The following GALNTL6 variants were observed in gnomAD, a reference collection of about 807,000 sequenced individuals.
GALNTL6 encodes the protein polypeptide N-acetylgalactosaminyltransferase-like 6.
A neutral mutation model predicts 73.7 loss-of-function variants in GALNTL6; 46 were observed. The ratio of observed to expected loss-of-function variants is 0.62; its 90% CI spans 0.49 to 0.80. GALNTL6 has a LOEUF of 0.80. GALNTL6 is among the 30% of genes least tolerant of loss of function. The probability of loss-of-function intolerance (pLI) is 0.00; values close to 1 mark genes in which losing one functional copy is unlikely to be tolerated. For missense variants in GALNTL6, 604 were observed against 755.0 expected (o/e 0.80, Z 2.34); for synonymous variants, 259 against 263.7 (o/e 0.98, Z 0.17).
intron 5 of GALNTL6, among the ~76,000 whole-genome samples, chr4:172,759,551 C>T (rs1403336681): frequency 6.6e-6 from 1 of 152,170 alleles, no homozygotes; most frequent in South Asian, 2.1e-4. Flanking sequence ...TCAACAATTT[C>T]ATCCACCCTT....
intron 2 of GALNTL6, among the ~76,000 whole-genome samples, chr4:172,123,500 A>ATTTT (rs67067629): frequency 0.34 from 38,891 of 114,972 alleles, 7,080 homozygotes; most frequent in Non-Finnish European, 0.37. Flanking sequence ...AAAAGTCATA[A>ATTTT]TTTTTTTTTT....
chr4:172,216,228 T>G (rs1736493789), intron 2 of GALNTL6, among the ~76,000 whole-genome samples: 1 of 152,162 alleles, frequency 6.6e-6, no homozygotes, highest in African/African-American at 2.4e-5. Flanking sequence ...GAAGCTCTCC[T>G]GGAGATAAAT....
chr4:172,313,267 A>G (rs1740428717), intron 4 of GALNTL6, among the ~76,000 whole-genome samples: 2 of 151,804 alleles, frequency 1.3e-5, no homozygotes, highest in African/African-American at 2.4e-5. Context: ...CTGGGACTAC[A>G]GGCGCCTGCC....
intron 8 of GALNTL6, among the ~76,000 whole-genome samples, chr4:172,887,637 C>T (rs1397857825): frequency 6.6e-6 from 1 of 151,904 alleles, no homozygotes; most frequent in Non-Finnish European, 1.5e-5. Context: ...AATCTCAGCT[C>T]ACTGCAATCT....
At chr4:172,664,422 T>C (rs917809762) in intron 5 of GALNTL6, among the ~76,000 whole-genome samples, 1 of 152,222 alleles carries the variant, frequency 6.6e-6, no homozygotes, top group Non-Finnish European at 1.5e-5. Flanking sequence ...AATACCTACA[T>C]TTCTTTTCCA....
At chr4:171,824,389 A>G (rs1734771713) in intron 2 of GALNTL6, among the ~76,000 whole-genome samples, 1 of 152,044 alleles carries the variant, frequency 6.6e-6, no homozygotes, top group Non-Finnish European at 1.5e-5. Context: ...AAGACCTTGG[A>G]CAAATTACTT....
At chr4:172,759,348 A>G (rs1262846750) in intron 5 of GALNTL6, among the ~76,000 whole-genome samples, 1 of 152,224 alleles carries the variant, frequency 6.6e-6, no homozygotes, top group Non-Finnish European at 1.5e-5. Flanking sequence ...TATTCTGGCC[A>G]GTGAGATGGA....
At chr4:171,917,573 C>T (rs1737666766) in intron 2 of GALNTL6, among the ~76,000 whole-genome samples, 1 of 152,032 alleles carries the variant, frequency 6.6e-6, no homozygotes, top group Admixed American at 6.6e-5. Context: ...TATTTCTCTT[C>T]CAAAATATTA....
intron 5 of GALNTL6, among the ~76,000 whole-genome samples, chr4:172,805,815 C>T (rs1240344292): frequency 6.6e-6 from 1 of 152,048 alleles, no homozygotes; most frequent in Non-Finnish European, 1.5e-5. Context: ...TTTTGTCTGA[C>T]ATTTGCTTCA....
intron 5 of GALNTL6, among the ~76,000 whole-genome samples, chr4:172,551,733 T>A: frequency 6.6e-6 from 1 of 152,140 alleles, no homozygotes; most frequent in Non-Finnish European, 1.5e-5. Context: ...AACTAGCTTC[T>A]GCTAAGCTCA....
At chr4:172,341,881 G>T (rs1561035510) in intron 4 of GALNTL6, among the ~76,000 whole-genome samples, 3 of 151,966 alleles carry the variant, frequency 2.0e-5, no homozygotes, top group Non-Finnish European at 4.4e-5. Flanking sequence ...CAAGTAGAAA[G>T]GTAAATATGG....
chr4:172,882,493 A>T (rs1250818086), intron 7 of GALNTL6, among the ~76,000 whole-genome samples: 1 of 152,214 alleles, frequency 6.6e-6, no homozygotes, highest in Non-Finnish European at 1.5e-5. Context: ...CTCATGTAGT[A>T]ATATTTCTCA....
intron 2 of GALNTL6, among the ~76,000 whole-genome samples, chr4:172,189,116 T>C (rs1735497513): frequency 6.7e-6 from 1 of 150,374 alleles, no homozygotes; most frequent in African/African-American, 2.5e-5. Context: ...TTATCCATTT[T>C]GGGAAAAAAA....
At chr4:172,356,780 C>A (rs548050984) in intron 5 of GALNTL6, among the ~76,000 whole-genome samples, 1 of 152,266 alleles carries the variant, frequency 6.6e-6, no homozygotes, top group South Asian at 2.1e-4. Flanking sequence ...TCCTAAGTCA[C>A]ACAGTGGGTC....
intron 2 of GALNTL6, among the ~76,000 whole-genome samples, chr4:171,949,621 A>G (rs1436747316): frequency 6.6e-6 from 1 of 152,242 alleles, no homozygotes; most frequent in African/African-American, 2.4e-5. Context: ...TTACAGAATA[A>G]GTAGATGAAT....
intron 5 of GALNTL6, among the ~76,000 whole-genome samples, chr4:172,454,401 G>A (rs1359570295): frequency 6.6e-6 from 1 of 152,204 alleles, no homozygotes; most frequent in Non-Finnish European, 1.5e-5. Flanking sequence ...GGACCATTAT[G>A]TCTCTGTTTC....
At chr4:171,994,389 AG>A (rs1306373932) in intron 2 of GALNTL6, among the ~76,000 whole-genome samples, 50 of 152,244 alleles carry the variant, frequency 3.3e-4, no homozygotes, top group African/African-American at 1.0e-3. Flanking sequence ...TTTATTCTCA[AG>A]TAGTGAGGAT....
intron 2 of GALNTL6, among the ~76,000 whole-genome samples, chr4:171,976,194 A>G (rs1392435078): frequency 6.6e-6 from 1 of 152,208 alleles, no homozygotes; most frequent in African/African-American, 2.4e-5. Context: ...AAGTGCTGGG[A>G]ATACAGGCGT....
intron 2 of GALNTL6, among the ~76,000 whole-genome samples, chr4:172,085,991 T>C (rs1732022336): frequency 6.6e-6 from 1 of 152,158 alleles, no homozygotes; most frequent in East Asian, 1.9e-4. Context: ...GCAAACACTG[T>C]AGCCTTTGTT....
Sources: allele counts gnomAD v4.1 joint callset (sites outside exome capture counted in the v4.1 genomes callset), GRCh38; gene constraint gnomAD v4.1.1; transcripts MANE v1.5; gene names NCBI Gene and HGNC (gene_info 2026-07-23, HGNC 2026-07-21).